The following ADGRG5 variants were observed in gnomAD, a reference collection of about 807,000 sequenced individuals.
ADGRG5 encodes the protein G protein-coupled receptor 114.
ADGRG5 carries 37 observed loss-of-function variants against 53.2 expected under a neutral mutation model. The observed-to-expected ratio is 0.70, with a 90% confidence interval of 0.53 to 0.91. ADGRG5 has a LOEUF of 0.91. ADGRG5 is among the 40% of genes least tolerant of loss of function. The probability of loss-of-function intolerance (pLI) is 0.00; values close to 1 mark genes in which losing one functional copy is unlikely to be tolerated. For missense variants in ADGRG5, 614 were observed against 675.8 expected, an observed-to-expected ratio of 0.91 and a Z score of 1.01; for synonymous variants, 277 against 290.4, an observed-to-expected ratio of 0.95 and a Z score of 0.47.
At chr16:57,533,778 G>A in the ADGRG5 span, among the ~76,000 whole-genome samples, 9 of 152,076 alleles carry the variant, frequency 5.9e-5, no homozygotes, top group African/African-American at 2.2e-4. Context: ...CCCTGGTAAC[G>A]CACACACTCA....
Position 57,562,364 on chromosome 16 carries a change from G to A in ADGRG5, c.65-20G>A, listed in dbSNP as rs1419795047. 2 of 1,594,298 alleles carry A rather than the reference G, an allele frequency of 1.3e-6. No individual in the cohort carries two copies. The highest frequency in any genetic ancestry group is 1.7e-5 in the Admixed American group (1 of 57,418). ...GAGGGCAGTTGAGACACAAACTGAG[G>A]GGGAGGTGTGTCCCCACAGAGACAT... On this transcript the variant is annotated intron_variant, in intron 2 of 11. Coordinates refer to ENST00000349457, the MANE Select transcript of ADGRG5 (RefSeq NM_001304376.3).
intron 1 of ADGRG5, among the ~76,000 whole-genome samples, chr16:57,556,447 A>G (rs969024579): frequency 2.0e-5 from 3 of 152,008 alleles, no homozygotes; most frequent in Non-Finnish European, 2.9e-5. Flanking sequence ...TATCTCTAGT[A>G]TTGCCTTACT....
intron 1 of ADGRG5, among the ~76,000 whole-genome samples, chr16:57,558,277 G>A (rs1319216475): frequency 1.3e-5 from 2 of 152,122 alleles, no homozygotes; most frequent in African/African-American, 4.8e-5. Context: ...CTGGATTTAG[G>A]TTTTGTTGTT....
chr16:57,545,635 T>C (rs1450774693), intron 1 of ADGRG5, among the ~76,000 whole-genome samples: 2 of 152,240 alleles, frequency 1.3e-5, no homozygotes, highest in Non-Finnish European at 2.9e-5. Context: ...AAATACGTCT[T>C]GGAGAGCTTT....
intron 1 of ADGRG5, among the ~76,000 whole-genome samples, chr16:57,561,211 G>C (rs1479966855): frequency 3.9e-5 from 6 of 152,182 alleles, no homozygotes; most frequent in African/African-American, 1.4e-4. Flanking sequence ...CCCACTGCAG[G>C]CACTTGGGTT....
intron 1 of ADGRG5, among the ~76,000 whole-genome samples, chr16:57,556,744 C>T (rs535075660): frequency 6.6e-6 from 1 of 152,006 alleles, no homozygotes; most frequent in South Asian, 2.1e-4. Flanking sequence ...ACATTTTTGC[C>T]AGTTTCAATA....
At chr16:57,557,154 C>T (rs1180212314) in intron 1 of ADGRG5, among the ~76,000 whole-genome samples, 2 of 152,128 alleles carry the variant, frequency 1.3e-5, no homozygotes, top group East Asian at 1.9e-4. Context: ...AAGCGATCTA[C>T]CCACCTCAGC....
the ADGRG5 span, among the ~76,000 whole-genome samples, chr16:57,536,753 C>T: frequency 6.6e-6 from 1 of 152,110 alleles, no homozygotes; most frequent in African/African-American, 2.4e-5. Context: ...GGGGTGCGGG[C>T]CGGGGCGGTG....
At chr16:57,560,056 T>G (rs1224534482) in intron 1 of ADGRG5, among the ~76,000 whole-genome samples, 1 of 152,250 alleles carries the variant, frequency 6.6e-6, no homozygotes, top group African/African-American at 2.4e-5. Flanking sequence ...TTCAAACCTA[T>G]TCGATAGTCT....
chr16:57,535,110 G>T, the ADGRG5 span, among the ~76,000 whole-genome samples: 55 of 152,322 alleles, frequency 3.6e-4, no homozygotes, highest in Middle Eastern at 3.4e-3. Flanking sequence ...AGAAAGCAGA[G>T]CCCAGTGGGA....
intron 9 of ADGRG5, among the ~76,000 whole-genome samples, chr16:57,570,045 T>C (rs1242504843): frequency 6.9e-6 from 1 of 144,910 alleles, no homozygotes; most frequent in African/African-American, 2.6e-5. Context: ...CCATCATCAC[T>C]TCCTCCACCT....
At position 57,576,275 on chromosome 16, in the gene ADGRG5, C is replaced by G. The variant is rs1243670971; in HGVS notation, c.*737C>G. On this transcript the variant is annotated 3_prime_UTR_variant, in exon 12 of 12. Transcript: ENST00000349457. ...GGTTCCGCCGTTCCCAGAGGCTCCT[C>G]CTGCGGTGCTCCCAAGACTTCCATA... 6.6e-6 allele frequency: 1 copy of G among 152,288 alleles called. No individual in the cohort carries two copies. Among genetic ancestry groups the G allele is most frequent in the Non-Finnish European group, 1.5e-5 (1 of 68,112 alleles). 9.4% of individuals were successfully genotyped at this position (152,288 alleles called of 1,614,324 possible).
At chr16:57,544,868 C>T (rs2032580305) in intron 1 of ADGRG5, among the ~76,000 whole-genome samples, 2 of 152,142 alleles carry the variant, frequency 1.3e-5, no homozygotes, top group South Asian at 4.1e-4. Context: ...GGCTCCCAGG[C>T]TCAAGTAATC....
upstream of ADGRG5, among the ~76,000 whole-genome samples, chr16:57,539,094 A>G (rs575038012): frequency 2.6e-4 from 40 of 152,352 alleles, no homozygotes; most frequent in South Asian, 7.9e-3. Context: ...CAACAGATGA[A>G]TGAACAAAAT....
intron 4 of ADGRG5, 37 bp from the exon 5 acceptor site, chr16:57,563,811 C>T (rs1232413778): frequency 1.2e-6 from 2 of 1,611,764 alleles, no homozygotes; most frequent in South Asian, 1.1e-5. Flanking sequence ...GTCTCCAGGT[C>T]CTGGTTGCCA....
At position 57,575,678 on chromosome 16, in the gene ADGRG5, C is replaced by T. The variant is rs138976473; in HGVS notation, c.*140C>T. 687 of 652,072 alleles carry T rather than the reference C, an allele frequency of 1.1e-3. 1 individual carries two copies. The African/African-American group carries it at 0.012, about 11-fold the overall frequency. The allele number at this position is 652,072 out of a possible 1,614,324, so 40.4% of individuals were successfully genotyped here. The stretch of plus-strand genomic sequence containing the variant: ...CGCCAAGGGGCCTTTTCCACTTCCA[C>T]GGCCTCTCCAGGCACTGAGGGGAAG... On this transcript the variant is annotated 3_prime_UTR_variant, in exon 12 of 12. Coordinates refer to ENST00000349457, the MANE Select transcript of ADGRG5 (RefSeq NM_001304376.3).
chr16:57,568,961 C>G (rs2033240491), intron 9 of ADGRG5, among the ~76,000 whole-genome samples: 1 of 149,796 alleles, frequency 6.7e-6, no homozygotes. Context: ...TCCTCCACCT[C>G]TATCACCACC....
chr16:57,552,028 C>CT (rs58690103), intron 1 of ADGRG5, among the ~76,000 whole-genome samples: 105 of 146,254 alleles, frequency 7.2e-4, no homozygotes, highest in Middle Eastern at 3.4e-3. Flanking sequence ...TGAAATAAAT[C>CT]TTTTTTTTTT....
chr16:57,554,138 T>C (rs1396393027), intron 1 of ADGRG5, among the ~76,000 whole-genome samples: 1 of 152,154 alleles, frequency 6.6e-6, no homozygotes, highest in African/African-American at 2.4e-5. Flanking sequence ...ACCTAAGTTA[T>C]GTAATTTATT....
Sources: gnomAD v4.1 joint callset for allele counts (sites outside exome capture counted in the v4.1 genomes callset) on GRCh38, gnomAD v4.1.1 for gene constraint, MANE v1.5 for transcripts, NCBI Gene and HGNC (gene_info 2026-07-23, HGNC 2026-07-21) for gene names.